The following SKAP2 variants were observed in gnomAD, a reference collection of about 807,000 sequenced individuals.
The protein encoded by SKAP2 is src kinase-associated phosphoprotein 2.
Under a neutral mutation model 54.9 loss-of-function variants are expected in SKAP2, and 28 were observed. The observed-to-expected ratio is 0.51, with a 90% confidence interval of 0.38 to 0.70. SKAP2 has a LOEUF of 0.70. SKAP2 is among the 30% of genes least tolerant of loss of function. The pLI is 0.00. For missense variants in SKAP2, 356 were observed against 424.1 expected, an observed-to-expected ratio of 0.84 and a Z score of 1.41; for synonymous variants, 137 against 134.3, an observed-to-expected ratio of 1.02 and a Z score of -0.14.
intron 4 of SKAP2, among the ~76,000 whole-genome samples, chr7:26,768,560 T>C (rs1229679225): frequency 2.0e-5 from 3 of 152,198 alleles, no homozygotes; most frequent in Admixed American, 2.0e-4. Context: ...GTCGATGGTC[T>C]TTACAATTTG....
intron 9 of SKAP2, among the ~76,000 whole-genome samples, chr7:26,717,351 A>G (rs1787469221): frequency 1.3e-5 from 2 of 151,620 alleles, no homozygotes; most frequent in Non-Finnish European, 2.9e-5. Flanking sequence ...CTCTACAAAA[A>G]AATTAAAAAT....
At chr7:26,850,234 T>C (rs570057818) in intron 3 of SKAP2, among the ~76,000 whole-genome samples, 1 of 152,294 alleles carries the variant, frequency 6.6e-6, no homozygotes, top group Non-Finnish European at 1.5e-5. Flanking sequence ...TTCGGGAGGA[T>C]ACTTTATAAT....
intron 9 of SKAP2, among the ~76,000 whole-genome samples, chr7:26,712,880 GA>G (rs1326680638): frequency 6.6e-6 from 1 of 152,188 alleles, no homozygotes; most frequent in Non-Finnish European, 1.5e-5. Flanking sequence ...GGAGTAAAGA[GA>G]AAAAGGTCTC....
rs1019012599 is a variant in SKAP2, at chr7:26,667,503, T to G, written c.*2163A>C. The G allele has an allele frequency of 7.2e-5, 11 of 152,604 alleles. No individual in the cohort carries two copies. Among genetic ancestry groups the G allele is most frequent in the African/African-American group, 2.2e-4 (9 of 41,450 alleles). The allele number at this position is 152,604 out of a possible 1,614,324, so 9.5% of individuals were successfully genotyped here. On this transcript the variant is annotated 3_prime_UTR_variant, in exon 13 of 13. Transcript: ENST00000345317. Reference sequence around the variant, plus strand: ...TTTAAGTCTTTTCTTTCCTTTCTTATGTCTCCCACCTATATTCAAGTTTTA... The same window carrying G: ...TTTAAGTCTTTTCTTTCCTTTCTTAGGTCTCCCACCTATATTCAAGTTTTA...
intron 4 of SKAP2, among the ~76,000 whole-genome samples, chr7:26,779,467 C>T (rs1783380572): frequency 6.6e-6 from 1 of 151,968 alleles, no homozygotes; most frequent in Non-Finnish European, 1.5e-5. Flanking sequence ...CAACTTTGTT[C>T]GTTGACATCA....
At chr7:26,830,410 A>AT (rs1332897570) in intron 4 of SKAP2, among the ~76,000 whole-genome samples, 5 of 152,298 alleles carry the variant, frequency 3.3e-5, no homozygotes, top group Middle Eastern at 6.8e-3. Flanking sequence ...ATGGTTAAAT[A>AT]TATCTCAATA....
intron 8 of SKAP2, 121 bp downstream of exon 8, chr7:26,725,802 C>T: frequency 1.2e-6 from 1 of 856,044 alleles, no homozygotes; most frequent in Non-Finnish European, 1.9e-6. Context: ...GTATTAATAA[C>T]AGTCACATTC....
At chr7:26,761,165 TTTTC>T (rs1475544504) in intron 4 of SKAP2, among the ~76,000 whole-genome samples, 6 of 152,186 alleles carry the variant, frequency 3.9e-5, no homozygotes, top group African/African-American at 1.2e-4. Context: ...GCATTTCCAG[TTTTC>T]TTTCTAATTC....
intron 4 of SKAP2, among the ~76,000 whole-genome samples, chr7:26,842,494 T>C (rs1032790222): frequency 2.6e-5 from 4 of 151,888 alleles, no homozygotes; most frequent in Non-Finnish European, 5.9e-5. Context: ...AATTTCTTTT[T>C]AGGTTGCAAA....
chr7:26,808,264 T>C (rs912595233), intron 4 of SKAP2, among the ~76,000 whole-genome samples: 10 of 152,166 alleles, frequency 6.6e-5, no homozygotes, highest in African/African-American at 2.4e-4. Context: ...TATACATACA[T>C]AATAGAATAT....
chr7:26,721,395 G>A (rs935244216), intron 9 of SKAP2, among the ~76,000 whole-genome samples: 7 of 151,962 alleles, frequency 4.6e-5, no homozygotes. Context: ...ATAGTCTCAT[G>A]GAAAAAAATT....
intron 6 of SKAP2, among the ~76,000 whole-genome samples, chr7:26,733,638 G>C (rs1448004511): frequency 6.6e-6 from 1 of 152,094 alleles, no homozygotes. Flanking sequence ...GTGAAGTTGT[G>C]GAGAAGGGGA....
intron 9 of SKAP2, among the ~76,000 whole-genome samples, chr7:26,720,261 G>C (rs1377250479): frequency 6.6e-6 from 1 of 152,146 alleles, no homozygotes; most frequent in African/African-American, 2.4e-5. Flanking sequence ...GATATTTTCG[G>C]TTTAGTATGT....
chr7:26,757,402 T>A (rs1313716519), intron 4 of SKAP2, among the ~76,000 whole-genome samples: 3 of 152,202 alleles, frequency 2.0e-5, no homozygotes, highest in African/African-American at 7.2e-5. Context: ...GCTGGCCAGT[T>A]TTCCCAGCAC....
At chr7:26,737,129 A>T (rs1787959559) in intron 6 of SKAP2, among the ~76,000 whole-genome samples, 1 of 152,212 alleles carries the variant, frequency 6.6e-6, no homozygotes, top group African/African-American at 2.4e-5. Context: ...GAGAAGCCTA[A>T]TTGAATCAAA....
chr7:26,851,423 C>T (rs891938653), intron 3 of SKAP2, among the ~76,000 whole-genome samples: 8 of 152,076 alleles, frequency 5.3e-5, no homozygotes, highest in African/African-American at 1.9e-4. Flanking sequence ...CAGCCTGAGA[C>T]GCAGAGTGAG....
downstream of SKAP2, among the ~76,000 whole-genome samples, chr7:26,666,810 A>G (rs1439043364): frequency 6.6e-6 from 1 of 152,212 alleles, no homozygotes; most frequent in African/African-American, 2.4e-5. Context: ...TGGCAAAAAT[A>G]GAACGGAGTG....
chr7:26,742,315 T>C (rs985350751), intron 4 of SKAP2: 2 of 152,104 alleles, frequency 1.3e-5, no homozygotes, highest in Non-Finnish European at 2.9e-5. Context: ...TAAGAAAAGT[T>C]AAATTATTCT....
chr7:26,739,092 G>A (rs1782371588), intron 5 of SKAP2, among the ~76,000 whole-genome samples: 1 of 152,132 alleles, frequency 6.6e-6, no homozygotes, highest in African/African-American at 2.4e-5. Context: ...GGGATCAACA[G>A]CATGGCTAAC....
Sources: allele counts gnomAD v4.1 joint callset (sites outside exome capture counted in the v4.1 genomes callset), GRCh38; gene constraint gnomAD v4.1.1; transcripts MANE v1.5; gene names NCBI Gene and HGNC (gene_info 2026-07-23, HGNC 2026-07-21).